Variants in CDK10 observed in about 807,000 individuals in gnomAD.
The protein encoded by CDK10 is cyclin-dependent kinase 10.
CDK10 carries 55 observed loss-of-function variants against 51.0 expected under a neutral mutation model. The ratio of observed to expected loss-of-function variants is 1.08; its 90% CI spans 0.87 to 1.35. The LOEUF is 1.35. Among genes scored for constraint, CDK10 ranks in the 40% most tolerant of loss-of-function variants. The probability of loss-of-function intolerance (pLI) is 0.00; values close to 1 mark genes in which losing one functional copy is unlikely to be tolerated. For missense variants in CDK10, 589 were observed against 485.1 expected, an observed-to-expected ratio of 1.21 and a Z score of -2.01; for synonymous variants, 255 against 199.1, an observed-to-expected ratio of 1.28 and a Z score of -2.36.
rs1248948994 is a variant in CDK10 at position 89,694,545 on chromosome 16, A to G, written c.669-120A>G. ...CTGCCTGTCCTTCACAGTGTCCCTG[A>G]CCCAGCGTGCCTCACACTGGCAGGG... On this transcript the variant is annotated intron_variant, in intron 9 of 12. Coordinates refer to ENST00000353379, the MANE Select transcript of CDK10 (RefSeq NM_052988.5). 6 of 1,500,160 alleles carry G rather than the reference A, an allele frequency of 4.0e-6. No homozygotes were observed. In the South Asian group the frequency reaches 7.3e-5, roughly 18 times the overall value. The allele number at this position is 1,500,160 out of a possible 1,614,324, so 92.9% of individuals were successfully genotyped here. A position where few individuals can be genotyped will look rare whatever the true frequency, so the allele number is the denominator to read the frequency against.
At position 89,690,724 on chromosome 16, in the gene CDK10, C is replaced by G. The variant is rs12598665; in HGVS notation, c.232+100C>G. ...CAGAGCGACTGCACGGTGCTTGTAG[C>G]GGGGGCCGGCCTCTGGGAGGGTTCT... is the stretch of plus-strand genomic sequence containing the variant. On this transcript the variant is annotated intron_variant, in intron 3 of 12. Transcript: ENST00000353379. The G allele has an allele frequency of 0.14, 141,818 of 1,040,658 alleles. 11,954 individuals carry two copies. The highest frequency in any genetic ancestry group is 0.33 in the Admixed American group (18,824 of 57,732). 64.5% of individuals were successfully genotyped at this position (1,040,658 alleles called of 1,614,324 possible). A position where few individuals can be genotyped will look rare whatever the true frequency, so the allele number is the denominator to read the frequency against.
Position 89,686,784 on chromosome 16 carries a change from C to G in CDK10, c.74C>G (p.Pro25Arg). The G allele has an allele frequency of 6.2e-7, 1 of 1,611,790 alleles. No homozygotes were observed. Among genetic ancestry groups the G allele is most frequent in the South Asian group, 1.1e-5 (1 of 90,866 alleles). Residue 25 changes from proline to arginine, a missense_variant, in exon 1 of 13, where the codon CCT becomes CGT. Pro to Arg is a moderately radical substitution (Grantham distance 103, BLOSUM62 -2). Transcript: ENST00000353379. ...CGTAAGGAGGGCTTCTTCACGGTGC[C>G]TCCGGAACACAGGGTGCGCGGGGTG... ...CIRKEGFFTV[P>R]PEHRLGRCRS...
chr16:89,695,647 C>G lies in CDK10; in HGVS notation c.1038C>G (p.Ala346=). The change falls in exon 13 of 13, where the codon GCC becomes GCG. Residue 346 remains alanine, a synonymous_variant. Transcript: ENST00000353379. ...PTFPHHRNKR[A]APATSEGQSK... ...TTCCCCACCACCGCAACAAGCGGGC[C>G]GCCCCAGCCACCTCCGAGGGCCAGA... is the stretch of plus-strand genomic sequence containing the variant. The G allele has an allele frequency of 1.2e-6, 2 of 1,604,830 alleles. No individual in the cohort carries two copies. The highest frequency in any genetic ancestry group is 1.7e-6 in the Non-Finnish European group (2 of 1,177,344).
In CDK10 at chr16:89,691,519, G is replaced by A; in HGVS notation, c.309G>A (p.Glu103=). ...LRHPNIVELK[E]VVVGNHLESI... is the part of the protein sequence containing the mutation. Reference sequence around the variant, plus strand: ...ATCCGAACATCGTGGAGCTGAAGGAGGTGGTTGTGGGGAACCACCTGGAGA... The same window carrying A: ...ATCCGAACATCGTGGAGCTGAAGGAAGTGGTTGTGGGGAACCACCTGGAGA... The change falls in exon 4 of 13, where the codon GAG becomes GAA. Residue 103 remains glutamate, a synonymous_variant. Transcript: ENST00000353379. 1 of 1,614,002 alleles carries A rather than the reference G, an allele frequency of 6.2e-7. No individual in the cohort carries two copies. The highest frequency in any genetic ancestry group is 1.1e-5 in the South Asian group (1 of 91,076).
In CDK10 at chr16:89,693,303, C is replaced by G. The variant is rs1375172722; in HGVS notation, c.515C>G (p.Thr172Ser). 2 of 1,614,046 alleles carry G rather than the reference C, an allele frequency of 1.2e-6. No homozygotes were observed. Among genetic ancestry groups the G allele is most frequent in the African/African-American group, 1.3e-5 (1 of 74,914 alleles). The stretch of plus-strand genomic sequence containing the variant: ...CTGAAGGTTTCCAACTTGCTCATGA[C>G]CGACAAGGGTTGTGTGAAGACAGGT... ...RDLKVSNLLM[T>S]DKGCVKTADF... The change falls in exon 7 of 13, where the codon ACC becomes AGC. Residue 172 changes from threonine (T) to serine (S), a missense_variant. By Grantham distance (58) the Thr-to-Ser change is moderately conservative (BLOSUM62 1). Transcript: ENST00000353379.
intron 9 of CDK10, 195 bp from the exon 10 acceptor site, chr16:89,694,470 A>T: frequency 9.9e-7 from 1 of 1,007,842 alleles, no homozygotes; most frequent in Non-Finnish European, 1.5e-6. Context: ...CTGCCCCTGC[A>T]CTTGTCACCC....
intron 1 of CDK10, among the ~76,000 whole-genome samples, chr16:89,688,054 G>C (rs1276190114): frequency 6.6e-6 from 1 of 150,504 alleles, no homozygotes; most frequent in Admixed American, 6.7e-5. Context: ...GGGGCTGTGA[G>C]GTTTCAAACC....
chr16:89,692,632 T>C, intron 6 of CDK10, 116 bp downstream of exon 6: 1 of 644,480 alleles, frequency 1.6e-6, no homozygotes, highest in South Asian at 2.4e-5. Context: ...TGCCCGCTGC[T>C]CGCACTCCAT....
Position 89,695,800 on chromosome 16 carries a change from C to T in CDK10, c.*108C>T. On this transcript the variant is annotated 3_prime_UTR_variant, in exon 13 of 13. Coordinates refer to ENST00000353379, the MANE Select transcript of CDK10 (RefSeq NM_052988.5). The stretch of plus-strand genomic sequence containing the variant: ...ACCAGGCGCCCGGGATCCAGCTCAT[C>T]CCCTTGGCTGGGAACATCCTCCACT... 6.4e-7 allele frequency: 1 copy of T among 1,562,636 alleles called. No homozygotes were observed. The highest frequency in any genetic ancestry group is 8.6e-7 in the Non-Finnish European group (1 of 1,157,338).
At chr16:89,690,654 C>T (rs773249236) in intron 3 of CDK10, 30 bp downstream of exon 3, 18 of 1,574,974 alleles carry the variant, frequency 1.1e-5, no homozygotes, top group African/African-American at 4.0e-5. Context: ...GTTGGGACCT[C>T]GCACTGGGAG....
At chr16:89,695,490 A>T in intron 12 of CDK10, 105 bp from the exon 13 acceptor site, 1 of 1,480,458 alleles carries the variant, frequency 6.8e-7, no homozygotes, top group South Asian at 1.2e-5. Context: ...GTGGAGGCAC[A>T]GACAGCCCAG....
At chr16:89,690,428 T>G in intron 2 of CDK10, 125 bp from the exon 3 acceptor site, 1 of 769,520 alleles carries the variant, frequency 1.3e-6, no homozygotes, top group East Asian at 2.5e-5. Context: ...TGAGTGTCAC[T>G]GGGCATGAGG....
At chr16:89,695,219 A>C in intron 11 of CDK10, 74 bp from the exon 12 acceptor site, 1 of 1,548,804 alleles carries the variant, frequency 6.5e-7, no homozygotes, top group Non-Finnish European at 8.8e-7. Flanking sequence ...CATTTGAATC[A>C]CAGGCTGCTC....
chr16:89,693,492 C>T (rs374786611), intron 8 of CDK10, 25 bp downstream of exon 8: 71 of 1,610,456 alleles, frequency 4.4e-5, no homozygotes, highest in East Asian at 3.1e-4. Flanking sequence ...AGCATGGTGG[C>T]CCCTGGGGAC....
chr16:89,687,684 C>T (rs1437448838), intron 1 of CDK10: 7 of 435,558 alleles, frequency 1.6e-5, no homozygotes, highest in Admixed American at 1.4e-4. Context: ...CTGCCTCGGC[C>T]TCCCAAGTGC....
chr16:89,691,420 G>A lies in CDK10; in HGVS notation c.233-23G>A, dbSNP rs576480961. Reference sequence around the variant, plus strand: ...CCCCGCCATCACTGGGGTGGGGCTCGCTGAGGCCACCTCCCTCCCCAGGCA... The same window carrying A: ...CCCCGCCATCACTGGGGTGGGGCTCACTGAGGCCACCTCCCTCCCCAGGCA... On this transcript the variant is annotated intron_variant, in intron 3 of 12. Transcript: ENST00000353379. 3.3e-5 allele frequency: 52 copies of A among 1,569,406 alleles called. No individual in the cohort carries two copies. In the East Asian group the frequency reaches 8.9e-4, roughly 27 times the overall value.
Position 89,691,814 on chromosome 16 carries a change from T to C in CDK10, c.344T>C (p.Leu115Pro). Residue 115 changes from leucine to proline, a missense_variant, in exon 5 of 13, where the codon CTG becomes CCG. Physicochemically the swap from Leu to Pro is moderately conservative, Grantham distance 98 (BLOSUM62 -3). Transcript: ENST00000353379. ...TCTTCTGTTTCTTCCAGCATCTTCC[T>C]GGTGATGGGTTACTGTGAGCAGGAC... is the stretch of plus-strand genomic sequence containing the variant. ...VVGNHLESIF[L>P]VMGYCEQDLA... 2 of 1,613,876 alleles carry C rather than the reference T, an allele frequency of 1.2e-6. No individual in the cohort carries two copies. The highest frequency in any genetic ancestry group is 1.1e-5 in the South Asian group (1 of 91,078).
At chr16:89,689,540 C>A in intron 2 of CDK10, 1 of 569,314 alleles carries the variant, frequency 1.8e-6, no homozygotes, top group Non-Finnish European at 3.2e-6. Context: ...TGCTAATGCC[C>A]ATAATCCAAA....
intron 6 of CDK10, 89 bp downstream of exon 6, chr16:89,692,605 T>A: frequency 1.1e-6 from 1 of 946,990 alleles, no homozygotes; most frequent in Non-Finnish European, 1.5e-6. Context: ...GCTCAGGGGT[T>A]CCCAGCTGCA....
Sources: allele counts gnomAD v4.1 joint callset (sites outside exome capture counted in the v4.1 genomes callset), GRCh38; gene constraint gnomAD v4.1.1; transcripts MANE v1.5; gene names NCBI Gene and HGNC (gene_info 2026-07-23, HGNC 2026-07-21).